TPO: variants seen among roughly 807,000 people sequenced by gnomAD.
TPO encodes thyroid peroxidase.
Under a neutral mutation model 96.9 loss-of-function variants are expected in TPO, and 78 were observed. The ratio of observed to expected loss-of-function variants is 0.81; its 90% CI spans 0.67 to 0.97. The LOEUF (loss-of-function observed/expected upper bound fraction) is 0.97, where lower values mean the gene tolerates loss of function less well. Ranked by LOEUF, TPO falls within the 50% of genes least tolerant of loss-of-function variation. The probability of loss-of-function intolerance (pLI) is 0.00; values close to 1 mark genes in which losing one functional copy is unlikely to be tolerated. For synonymous variants in TPO, 547 were observed against 538.0 expected (o/e 1.02, Z -0.23); for missense variants, 1,252 against 1,274.8 (o/e 0.98, Z 0.27).
chr2:1,535,558 G>C (rs1481721026), intron 15 of TPO, among the ~76,000 whole-genome samples: 1 of 67,876 alleles, frequency 1.5e-5, no homozygotes, highest in Non-Finnish European at 2.7e-5. Flanking sequence ...TCACCACATT[G>C]TGAGCAACCT....
At chr2:1,427,205 G>C in intron 3 of TPO, among the ~76,000 whole-genome samples, 1 of 152,138 alleles carries the variant, frequency 6.6e-6, no homozygotes, top group East Asian at 1.9e-4. Flanking sequence ...GGGGAGGGGG[G>C]CCCTGTGCCT....
chr2:1,431,017 A>C (rs1664925361), intron 3 of TPO, among the ~76,000 whole-genome samples: 1 of 152,174 alleles, frequency 6.6e-6, no homozygotes, highest in Non-Finnish European at 1.5e-5. Context: ...GCGCAATTGT[A>C]TTTTGGAATG....
intron 1 of TPO, among the ~76,000 whole-genome samples, chr2:1,385,634 A>G (rs184217356): frequency 7.4e-5 from 11 of 149,170 alleles, no homozygotes; most frequent in African/African-American, 2.7e-4. Flanking sequence ...CGGTCTATCA[A>G]TTTTGTTGAT....
intron 1 of TPO, among the ~76,000 whole-genome samples, chr2:1,383,134 A>T (rs993222669): frequency 6.6e-6 from 1 of 152,124 alleles, no homozygotes; most frequent in South Asian, 2.1e-4. Flanking sequence ...ATTGTTGGAC[A>T]TTAGGGTTGG....
intron 5 of TPO, among the ~76,000 whole-genome samples, chr2:1,446,768 G>A (rs1004318690): frequency 5.9e-5 from 9 of 152,180 alleles, no homozygotes; most frequent in Admixed American, 2.6e-4. Context: ...TTGAAGAAAC[G>A]TTGTTCATAT....
chr2:1,488,842 G>T (rs1671421361), intron 10 of TPO, among the ~76,000 whole-genome samples: 1 of 152,204 alleles, frequency 6.6e-6, no homozygotes, highest in African/African-American at 2.4e-5. Context: ...GTGGCATCTG[G>T]AAGGGCTGGG....
At chr2:1,518,289 TAC>T (rs1362021032) in intron 15 of TPO, among the ~76,000 whole-genome samples, 1 of 152,258 alleles carries the variant, frequency 6.6e-6, no homozygotes, top group Non-Finnish European at 1.5e-5. Context: ...ATCTTTTTCT[TAC>T]AGTCTTTGCA....
chr2:1,511,039 A>G (rs1259516091), intron 14 of TPO, among the ~76,000 whole-genome samples: 1 of 152,240 alleles, frequency 6.6e-6, no homozygotes, highest in African/African-American at 2.4e-5. Flanking sequence ...CTCCCTACAT[A>G]AGTTTAGATG....
chr2:1,384,633 A>C (rs918777608), intron 1 of TPO, among the ~76,000 whole-genome samples: 2 of 151,604 alleles, frequency 1.3e-5, no homozygotes, highest in African/African-American at 2.4e-5. Context: ...GGGTTTTCTA[A>C]ATATACAATC....
rs770779657 is a variant in TPO, at chr2:1,487,912, G to C, written c.1689G>C (p.Arg563Ser). 1.1e-5 allele frequency: 17 copies of C among 1,614,076 alleles called. No individual in the cohort carries two copies. Among genetic ancestry groups the C allele is most frequent in the Non-Finnish European group, 1.4e-5 (16 of 1,180,044 alleles). The stretch of plus-strand genomic sequence containing the variant: ...TGATGAACGAGGAGCTGACGGAAAG[G>C]CTCTTTGTGCTGTCCAATTCCAGCA... ...DQLMNEELTE[R>S]LFVLSNSSTL... is the part of the protein sequence containing the mutation. The change falls in exon 10 of 17, where the codon AGG becomes AGC. Residue 563 changes from arginine (R) to serine (S), a missense_variant. By Grantham distance (110) the Arg-to-Ser change is moderately radical (BLOSUM62 -1). Coordinates refer to ENST00000329066, the MANE Select transcript of TPO (RefSeq NM_001206744.2).
At chr2:1,505,072 G>A (rs1324745364) in intron 14 of TPO, among the ~76,000 whole-genome samples, 3 of 152,298 alleles carry the variant, frequency 2.0e-5, no homozygotes, top group South Asian at 2.1e-4. Context: ...GCTCCTCAGC[G>A]AAGGGCACAA....
At chr2:1,466,050 A>T (rs1489155847) in intron 7 of TPO, among the ~76,000 whole-genome samples, 1 of 152,156 alleles carries the variant, frequency 6.6e-6, no homozygotes, top group Non-Finnish European at 1.5e-5. Flanking sequence ...GGCTTTTAAT[A>T]CATTGAGCTA....
At chr2:1,522,349 A>T (rs139538711) in intron 15 of TPO, among the ~76,000 whole-genome samples, 41 of 11,262 alleles carry the variant, frequency 3.6e-3, no homozygotes, top group African/African-American at 7.4e-3. Context: ...GCCCTCACAG[A>T]CTCTCTACCC....
intron 7 of TPO, among the ~76,000 whole-genome samples, chr2:1,466,853 G>T (rs887032842): frequency 6.6e-6 from 1 of 151,936 alleles, no homozygotes; most frequent in African/African-American, 2.4e-5. Flanking sequence ...TTTATCTTTT[G>T]TATTTTTTTT....
intron 5 of TPO, among the ~76,000 whole-genome samples, chr2:1,437,771 C>T (rs1395153639): frequency 6.6e-6 from 1 of 152,194 alleles, no homozygotes; most frequent in African/African-American, 2.4e-5. Context: ...GCAGCCTGTG[C>T]TGAACACAGA....
intron 15 of TPO, among the ~76,000 whole-genome samples, chr2:1,532,864 ACCT>A (rs1464185905): frequency 3.1e-5 from 2 of 64,606 alleles, no homozygotes; most frequent in Non-Finnish European, 5.2e-5. Flanking sequence ...ACTCTGCGCA[ACCT>A]CCTCAAATAC....
chr2:1,526,173 G>A (rs1676448628), intron 15 of TPO, among the ~76,000 whole-genome samples: 2 of 89,274 alleles, frequency 2.2e-5, no homozygotes, highest in Middle Eastern at 0.011. Flanking sequence ...CCCCCACTGT[G>A]TGCAACCTCC....
intron 3 of TPO, among the ~76,000 whole-genome samples, chr2:1,432,737 T>A (rs1464000448): frequency 1.1e-5 from 1 of 92,650 alleles, no homozygotes; most frequent in African/African-American, 4.9e-5. Context: ...GGCCTGCAGG[T>A]GAGGGGAGGC....
Position 1,484,027 on chromosome 2 carries a change from A to G in TPO, c.1339-569A>G, listed in dbSNP as rs147452209. On this transcript the variant is annotated intron_variant, in intron 8 of 16. Coordinates refer to ENST00000329066, the MANE Select transcript of TPO (RefSeq NM_001206744.2). ...ACCAAAATATTCCCCTTAAATACCA[A>G]AACAACTTGACACTGATTTTTCTGT... Among the ~76,000 whole-genome samples, 297 of 152,304 alleles carry G rather than the reference A, an allele frequency of 2.0e-3. 1 individual carries two copies. Among genetic ancestry groups the G allele is most frequent in the African/African-American group, 6.8e-3 (284 of 41,566 alleles).
Sources: allele counts gnomAD v4.1 joint callset (sites outside exome capture counted in the v4.1 genomes callset), GRCh38; gene constraint gnomAD v4.1.1; transcripts MANE v1.5; gene names NCBI Gene and HGNC (gene_info 2026-07-23, HGNC 2026-07-21).